The following KCNH6 variants were observed in gnomAD, a reference collection of about 807,000 sequenced individuals.
KCNH6 encodes the protein potassium voltage-gated channel subfamily H member 6.
KCNH6 carries 81 observed loss-of-function variants against 83.4 expected under a neutral mutation model. That is an observed-to-expected ratio of 0.97 (90% CI 0.81 to 1.17). The LOEUF is 1.17. KCNH6 is among the 50% of genes most tolerant of loss of function. The pLI, the probability that KCNH6 is intolerant of heterozygous loss-of-function variation, is 0.00. For missense variants in KCNH6, 1,203 were observed against 1,290.5 expected (o/e 0.93, Z 1.04); for synonymous variants, 503 against 545.6 (o/e 0.92, Z 1.09).
intron 2 of KCNH6, among the ~76,000 whole-genome samples, chr17:63,529,353 CT>C (rs1387450083): frequency 6.6e-6 from 1 of 152,216 alleles, no homozygotes; most frequent in African/African-American, 2.4e-5. Flanking sequence ...TGCCTGCTCC[CT>C]GGGCCCAGCC....
At chr17:63,540,825 C>T (rs1038855841) in intron 8 of KCNH6, among the ~76,000 whole-genome samples, 6 of 152,214 alleles carry the variant, frequency 3.9e-5, no homozygotes, top group Non-Finnish European at 5.9e-5. Context: ...CTCCGTGGCA[C>T]CCCGGCCCTG....
chr17:63,545,890 T>A lies in KCNH6; in HGVS notation c.2865T>A (p.Ser955Arg), dbSNP rs1477700856. The A allele has an allele frequency of 6.2e-7, 1 of 1,613,442 alleles. No homozygotes were observed. Among genetic ancestry groups the A allele is most frequent in the African/African-American group, 1.3e-5 (1 of 74,798 alleles). ...GCTCAGATCCTGGATTTGCAGGGAG[T>A]TGGGGCCACTGAACTCCAAGATAAA... is the stretch of plus-strand genomic sequence containing the variant. ...RHGSDPGFAG[S>R]WGH The change falls in exon 13 of 13, where the codon AGT (serine) becomes AGA (arginine). Residue 955 changes from serine (S) to arginine (R), a missense_variant. By Grantham distance (110) the Ser-to-Arg change is moderately radical. Transcript: ENST00000314672.
Position 63,545,678 on chromosome 17 carries a change from C to G in KCNH6, c.2653C>G (p.Leu885Val). The G allele has an allele frequency of 6.2e-7, 1 of 1,614,032 alleles. No homozygotes were observed. The highest frequency in any genetic ancestry group is 8.5e-7 in the Non-Finnish European group (1 of 1,179,956). ...GAACTCCTCCCCCAGGATGCCTCAC[C>G]TGGCTGTGGCAACGGACAAAACTCT... Reference protein sequence around the residue: ...HRNSSPRMPHLAVATDKTLAP... With the variant: ...HRNSSPRMPHVAVATDKTLAP... The change falls in exon 13 of 13, where the codon CTG becomes GTG. Residue 885 changes from leucine (L) to valine (V), a missense_variant. Coordinates refer to ENST00000314672, the MANE Select transcript of KCNH6 (RefSeq NM_001278919.2).
chr17:63,545,728 G>T lies in KCNH6; in HGVS notation c.2703G>T (p.Gln901His), dbSNP rs1451315871. 1 of 1,614,090 alleles carries T rather than the reference G, an allele frequency of 6.2e-7. No individual in the cohort carries two copies. Among genetic ancestry groups the T allele is most frequent in the Admixed American group, 1.7e-5 (1 of 60,026 alleles). The change falls in exon 13 of 13, where the codon CAG becomes CAT. Residue 901 changes from glutamine (Q) to histidine (H), a missense_variant. By Grantham distance (24) the Gln-to-His change is conservative. Coordinates refer to ENST00000314672, the MANE Select transcript of KCNH6 (RefSeq NM_001278919.2). ...KTLAPSSEQE[Q>H]PEGLWPPLAS... ...TGGCACCATCCTCAGAACAGGAACA[G>T]CCTGAGGGGCTCTGGCCACCCCTAG...
At chr17:63,540,469 A>G (rs1166679215) in intron 8 of KCNH6, among the ~76,000 whole-genome samples, 1 of 152,046 alleles carries the variant, frequency 6.6e-6, no homozygotes, top group Non-Finnish European at 1.5e-5. Context: ...AGGGATGATT[A>G]TTATTATTAA....
intron 3 of KCNH6, 26 bp from the exon 4 acceptor site, chr17:63,530,311 G>T: frequency 1.2e-6 from 2 of 1,614,122 alleles, no homozygotes; most frequent in Admixed American, 1.7e-5. Flanking sequence ...GGCCGTGGCT[G>T]CTCTGACTCC....
In KCNH6 at chr17:63,545,274, G is replaced by A. The variant is rs2033091404; in HGVS notation, c.2583+10G>A. On this transcript the variant is annotated intron_variant, in intron 12 of 12. Coordinates refer to ENST00000314672, the MANE Select transcript of KCNH6 (RefSeq NM_001278919.2). ...TCTGCCTCCTGCACAGGTAAGAGGT[G>A]AGGGGATTCCCAGGGGCTTACCTGC... is the stretch of plus-strand genomic sequence containing the variant. 2.5e-6 allele frequency: 4 copies of A among 1,612,310 alleles called. No individual in the cohort carries two copies. The highest frequency in any genetic ancestry group is 1.3e-5 in the African/African-American group (1 of 75,040).
In KCNH6 at chr17:63,536,004, C is replaced by A. The variant is rs201618889; in HGVS notation, c.1437C>A (p.Phe479Leu). The change falls in exon 6 of 13, where the codon TTC becomes TTA. Residue 479 changes from phenylalanine (F) to leucine (L), a missense_variant. Coordinates refer to ENST00000314672, the MANE Select transcript of KCNH6 (RefSeq NM_001278919.2). ...TCAGCAGCCTCACCAGCGTGGGCTT[C>A]GGCAATGTCTCGCCCAACACCAACT... ...FTFSSLTSVGFGNVSPNTNSE... is the reference protein window; with the variant it reads ...FTFSSLTSVGLGNVSPNTNSE... The A allele has an allele frequency of 7.4e-6, 12 of 1,613,904 alleles. No individual in the cohort carries two copies. Among genetic ancestry groups the A allele is most frequent in the South Asian group, 4.4e-5 (4 of 91,088 alleles).
intron 6 of KCNH6, 178 bp downstream of exon 6, chr17:63,536,246 T>C: frequency 1.6e-6 from 1 of 619,812 alleles, no homozygotes. Flanking sequence ...GTATACAATA[T>C]TTAACACCCA....
chr17:63,531,815 T>C (rs751175254), intron 4 of KCNH6, among the ~76,000 whole-genome samples: 1 of 152,036 alleles, frequency 6.6e-6, no homozygotes, highest in Admixed American at 6.5e-5. Context: ...GGGCCCATAG[T>C]CCCGGCACCT....
At position 63,536,068 on chromosome 17, in the gene KCNH6, TGTGA is replaced by T; in HGVS notation, c.1501+6_1501+9del. The T allele has an allele frequency of 6.2e-7, 1 of 1,612,428 alleles. No individual in the cohort carries two copies. Among genetic ancestry groups the T allele is most frequent in the Non-Finnish European group, 8.5e-7 (1 of 1,179,404 alleles). On this transcript the variant is annotated splice_donor_variant and splice_donor_region_variant and intron_variant, in intron 6 of 12. Coordinates refer to ENST00000314672, the MANE Select transcript of KCNH6 (RefSeq NM_001278919.2). LOFTEE classifies it high-confidence loss of function. ...CTCCATCTGCGTCATGCTCATCGGC[TGTGA>T]GTGAGACCTCATGCCACGGCCTAAC...
intron 8 of KCNH6, 75 bp from the exon 9 acceptor site, chr17:63,542,166 G>A (rs2147723225): frequency 6.7e-7 from 1 of 1,494,436 alleles, no homozygotes; most frequent in Non-Finnish European, 9.2e-7. Context: ...GGTTGGGGGA[G>A]GTCACGGTCA....
In KCNH6 at chr17:63,523,451, C is replaced by G. The variant is rs549684796; in HGVS notation, c.38C>G (p.Thr13Ser). The G allele has an allele frequency of 6.2e-7, 1 of 1,607,530 alleles. No homozygotes were observed. Among genetic ancestry groups the G allele is most frequent in the Non-Finnish European group, 8.5e-7 (1 of 1,177,018 alleles). Residue 13 changes from threonine (T) to serine (S), a missense_variant, in exon 1 of 13, where the codon ACT becomes AGT. Coordinates refer to ENST00000314672, the MANE Select transcript of KCNH6 (RefSeq NM_001278919.2). This position sits in a 1 kb window ranked among gnomAD's most constrained non-coding sequence, Gnocchi z 4.2. ...AGGGGCCACGTCGCTCCCCAAAACA[C>G]TTACCTGGACACCATCATCCGCAAG... Reference protein sequence around the residue: ...VRRGHVAPQNTYLDTIIRKFE... With the variant: ...VRRGHVAPQNSYLDTIIRKFE...
chr17:63,529,471 C>T (rs1359212105), intron 2 of KCNH6, among the ~76,000 whole-genome samples: 1 of 152,234 alleles, frequency 6.6e-6, no homozygotes, highest in African/African-American at 2.4e-5. Context: ...CTATTGTGTC[C>T]TGCAAACCCA....
At chr17:63,527,226 C>A (rs141288458) in intron 2 of KCNH6, among the ~76,000 whole-genome samples, 2 of 152,286 alleles carry the variant, frequency 1.3e-5, no homozygotes, top group East Asian at 3.9e-4. Flanking sequence ...GCTGTCTGCC[C>A]CCACCCTCCT....
intron 6 of KCNH6, 72 bp downstream of exon 6, chr17:63,536,140 G>T: frequency 7.5e-7 from 1 of 1,338,970 alleles, no homozygotes; most frequent in South Asian, 1.3e-5. Flanking sequence ...GTGTAGTTTT[G>T]TACTGAGATA....
In KCNH6 at chr17:63,523,628, T is replaced by C. The variant is rs1030548152; in HGVS notation, c.76+139T>C. On this transcript the variant is annotated intron_variant, in intron 1 of 12. Coordinates refer to ENST00000314672, the MANE Select transcript of KCNH6 (RefSeq NM_001278919.2). This position sits in a 1 kb window ranked among gnomAD's most constrained non-coding sequence, Gnocchi z 4.2. The stretch of plus-strand genomic sequence containing the variant: ...TGAATGAAAAATCCTTCTTTTGATG[T>C]CCCCAACACCTTCTCCTCCAGGGGG... 4 of 680,026 alleles carry C rather than the reference T, an allele frequency of 5.9e-6. No individual in the cohort carries two copies. The highest frequency in any genetic ancestry group is 2.0e-5 in the South Asian group (1 of 48,998). 42.1% of individuals were successfully genotyped at this position (680,026 alleles called of 1,614,324 possible).
At chr17:63,548,260 C>T (rs1046689045), downstream of KCNH6, among the ~76,000 whole-genome samples, 2 of 151,566 alleles carry the variant, frequency 1.3e-5, no homozygotes, top group South Asian at 4.2e-4. Context: ...AGCAAGACTC[C>T]GTTTCAAAAA....
At chr17:63,542,922 G>T (rs2032945118) in intron 9 of KCNH6, among the ~76,000 whole-genome samples, 1 of 151,936 alleles carries the variant, frequency 6.6e-6, no homozygotes, top group South Asian at 2.1e-4. Flanking sequence ...TCCCTCAGTA[G>T]AGGAGATTTT....
Sources: gnomAD v4.1 joint callset for allele counts (sites outside exome capture counted in the v4.1 genomes callset) on GRCh38, gnomAD v4.1.1 for gene constraint, Gnocchi (gnomAD v3.1) non-coding constraint, MANE v1.5 for transcripts, NCBI Gene and HGNC (gene_info 2026-07-23, HGNC 2026-07-21) for gene names.